FBXL13: variants seen among roughly 807,000 people sequenced by gnomAD.
The protein encoded by FBXL13 is F-box and leucine-rich repeat protein 13.
FBXL13 carries 67 observed loss-of-function variants against 83.6 expected under a neutral mutation model. That is an observed-to-expected ratio of 0.80 (90% CI 0.66 to 0.98). The LOEUF is 0.98. Ranked by LOEUF, FBXL13 falls within the 50% of genes least tolerant of loss-of-function variation. The pLI is 0.00. For missense variants in FBXL13, 822 were observed against 866.5 expected, an observed-to-expected ratio of 0.95 and a Z score of 0.64; for synonymous variants, 272 against 299.5, an observed-to-expected ratio of 0.91 and a Z score of 0.95.
chr7:102,844,318 C>A (rs1328928898), intron 17 of FBXL13, among the ~76,000 whole-genome samples: 1 of 152,098 alleles, frequency 6.6e-6, no homozygotes, highest in Admixed American at 6.6e-5. Context: ...CCCCTCCAAA[C>A]CAGAAAATAT....
chr7:102,830,351 GTTCTCAC>G (rs1181827353), intron 18 of FBXL13, among the ~76,000 whole-genome samples: 1 of 152,170 alleles, frequency 6.6e-6, no homozygotes, highest in Admixed American at 6.5e-5. Flanking sequence ...AGCCAGGGCA[GTTCTCAC>G]TTCTCACTAA....
intron 17 of FBXL13, among the ~76,000 whole-genome samples, chr7:102,844,416 G>C (rs1486906455): frequency 6.6e-6 from 1 of 152,096 alleles, no homozygotes; most frequent in Non-Finnish European, 1.5e-5. Flanking sequence ...ATTACTTGTA[G>C]GTAGAGTAAA....
intron 16 of FBXL13, among the ~76,000 whole-genome samples, chr7:102,876,422 G>A (rs768516297): frequency 1.3e-5 from 2 of 152,136 alleles, no homozygotes; most frequent in Non-Finnish European, 2.9e-5. Context: ...ACTCATGGAC[G>A]ATATGGAAGG....
At chr7:102,811,533 T>C (rs1797434773), downstream of FBXL13, among the ~76,000 whole-genome samples, 3 of 152,176 alleles carry the variant, frequency 2.0e-5, no homozygotes, top group South Asian at 6.2e-4. Context: ...AGAAAGGATG[T>C]TACTCAAAGA....
At chr7:103,050,980 G>T (rs1191836730) in intron 2 of FBXL13, among the ~76,000 whole-genome samples, 1 of 152,006 alleles carries the variant, frequency 6.6e-6, no homozygotes, top group African/African-American at 2.4e-5. Context: ...TTGCTTTGTT[G>T]CTCATTTGGA....
intron 8 of FBXL13, among the ~76,000 whole-genome samples, chr7:102,940,486 A>C (rs1821215179): frequency 6.6e-6 from 1 of 152,172 alleles, no homozygotes; most frequent in African/African-American, 2.4e-5. Flanking sequence ...CTGGGATTAC[A>C]GGCGTGAGCC....
chr7:102,896,522 T>C (rs1437737446), intron 11 of FBXL13, among the ~76,000 whole-genome samples: 2 of 152,190 alleles, frequency 1.3e-5, no homozygotes, highest in Admixed American at 1.3e-4. Flanking sequence ...TGTAATAAAG[T>C]ACCACAAACT....
At chr7:102,885,755 C>T (rs930601343) in intron 11 of FBXL13, among the ~76,000 whole-genome samples, 3 of 151,912 alleles carry the variant, frequency 2.0e-5, no homozygotes, top group African/African-American at 7.3e-5. Flanking sequence ...TATTTTGGCT[C>T]TTATATTTAG....
intron 6 of FBXL13, among the ~76,000 whole-genome samples, chr7:102,986,432 C>T (rs1390104972): frequency 6.6e-6 from 1 of 152,168 alleles, no homozygotes; most frequent in Non-Finnish European, 1.5e-5. Flanking sequence ...GCCATGGCAA[C>T]TGACGATCAA....
rs959909748 is a variant in FBXL13, at chr7:103,055,192, A to G, written c.-1+452T>C. 8.1e-7 allele frequency: 1 copy of G among 1,231,454 alleles called. No individual in the cohort carries two copies. The highest frequency in any genetic ancestry group is 2.6e-5 in the Admixed American group (1 of 38,836). The allele number at this position is 1,231,454 out of a possible 1,614,324, so 76.3% of individuals were successfully genotyped here. On this transcript the variant is annotated intron_variant, in intron 2 of 19. Coordinates refer to ENST00000313221, the Ensembl canonical transcript of FBXL13. ...ATGCACATATCCCTTTAATAACATCATAAAATACAGTCAAAATTAATTTCA... is the reference window on the plus strand; with the variant it reads ...ATGCACATATCCCTTTAATAACATCGTAAAATACAGTCAAAATTAATTTCA...
At chr7:102,925,701 G>T (rs908259898) in intron 10 of FBXL13, among the ~76,000 whole-genome samples, 12 of 152,068 alleles carry the variant, frequency 7.9e-5, no homozygotes, top group African/African-American at 2.9e-4. Flanking sequence ...CAGCGCTTTG[G>T]GAGGCCCAGG....
intron 2 of FBXL13, among the ~76,000 whole-genome samples, chr7:103,032,654 T>G (rs1165901557): frequency 2.0e-5 from 3 of 152,216 alleles, no homozygotes; most frequent in Non-Finnish European, 2.9e-5. Flanking sequence ...ATTTTCAACA[T>G]TTAATGAGTA....
intron 6 of FBXL13, among the ~76,000 whole-genome samples, chr7:103,010,063 G>A (rs540034522): frequency 1.4e-3 from 206 of 148,076 alleles, no homozygotes; most frequent in African/African-American, 4.7e-3. Flanking sequence ...CCATGACCCC[G>A]CCCACCCCAC....
chr7:103,029,408 T>C (rs1373559734), exon 3 of FBXL13: 4 of 1,506,946 alleles, frequency 2.7e-6, no homozygotes, highest in Non-Finnish European at 3.6e-6. Context: ...TATCATCAAT[T>C]CCGGAGTCAT....
chr7:102,844,786 G>C (rs766443933), intron 17 of FBXL13, among the ~76,000 whole-genome samples: 8 of 152,136 alleles, frequency 5.3e-5, no homozygotes, highest in Admixed American at 6.5e-5. Context: ...GATGCCAATC[G>C]CAAGTCCCAG....
chr7:103,028,789 A>G (rs753584380), intron 3 of FBXL13, 41 bp from the exon 5 acceptor site: 4 of 1,468,610 alleles, frequency 2.7e-6, no homozygotes, highest in Admixed American at 4.6e-5. Flanking sequence ...ATATTTTGAT[A>G]TTAGGGCAAT....
intron 11 of FBXL13, among the ~76,000 whole-genome samples, chr7:102,904,613 T>C (rs1813467694): frequency 6.6e-6 from 1 of 152,064 alleles, no homozygotes; most frequent in Non-Finnish European, 1.5e-5. Context: ...TTCAGTTTCA[T>C]TTACTTCTCC....
At chr7:102,864,289 G>A (rs1200165806) in intron 16 of FBXL13, among the ~76,000 whole-genome samples, 2 of 152,062 alleles carry the variant, frequency 1.3e-5, no homozygotes, top group Non-Finnish European at 2.9e-5. Flanking sequence ...CTTATCATCT[G>A]CTTCTTCCTC....
intron 2 of FBXL13, among the ~76,000 whole-genome samples, chr7:103,053,186 T>C (rs1415366384): frequency 6.7e-6 from 1 of 149,786 alleles, no homozygotes; most frequent in East Asian, 2.0e-4. Context: ...GTCTTGCTCT[T>C]GTGTCGCCCA....
Sources: allele counts gnomAD v4.1 joint callset (sites outside exome capture counted in the v4.1 genomes callset), GRCh38; gene constraint gnomAD v4.1.1; transcripts MANE v1.5; gene names NCBI Gene and HGNC (gene_info 2026-07-23, HGNC 2026-07-21).